Variants in TNRC6C observed in about 807,000 individuals in gnomAD.
The protein encoded by TNRC6C is trinucleotide repeat containing adaptor 6C.
TNRC6C carries 20 observed loss-of-function variants against 153.7 expected under a neutral mutation model. The observed-to-expected ratio is 0.13, with a 90% CI of 0.09 to 0.19. The LOEUF (loss-of-function observed/expected upper bound fraction) is 0.19, where lower values mean the gene tolerates loss of function less well. Among genes scored for constraint, TNRC6C ranks in the 10% least tolerant of loss-of-function variants. The pLI, the probability that TNRC6C is intolerant of heterozygous loss-of-function variation, is 1.00. For missense variants in TNRC6C, 1,987 were observed against 2,172.0 expected (o/e 0.91, Z 1.69); for synonymous variants, 811 against 841.4 (o/e 0.96, Z 0.63).
At chr17:77,996,399 G>A (rs141676734) in intron 1 of TNRC6C, among the ~76,000 whole-genome samples, 22 of 152,272 alleles carry the variant, frequency 1.4e-4, no homozygotes, top group African/African-American at 4.6e-4. Context: ...GACACAACCC[G>A]TGCAGCCTAG....
intron 1 of TNRC6C, among the ~76,000 whole-genome samples, chr17:77,961,503 G>T (rs1567891712): frequency 8.4e-6 from 1 of 118,714 alleles, no homozygotes; most frequent in Non-Finnish European, 1.6e-5. Context: ...TACTGAGACT[G>T]TCTGTCATAA....
chr17:78,104,574 C>G lies in TNRC6C; in HGVS notation c.4802C>G (p.Pro1601Arg). 6.4e-7 allele frequency: 1 copy of G among 1,553,278 alleles called. No homozygotes were observed. The highest frequency in any genetic ancestry group is 8.7e-7 in the Non-Finnish European group (1 of 1,148,206). ...TTAGCCCAAGGCCAGGCGCTGCCAC[C>G]CACTTCCAGCTGGCAGTCCAGCAGC... Residue 1601 changes from proline (P) to arginine (R), a missense_variant, in exon 20 of 20, where the codon CCC becomes CGC. Around this residue, in one of 4 missense-constraint regions of TNRC6C, gnomAD observed 139 missense variants for 148.5 expected, o/e 0.94. Coordinates refer to ENST00000301624, the Ensembl canonical transcript of TNRC6C. This position sits in a 1 kb window ranked among gnomAD's most constrained non-coding sequence, Gnocchi z 6.2.
intron 2 of TNRC6C, among the ~76,000 whole-genome samples, chr17:78,043,696 C>G (rs1034852891): frequency 1.3e-5 from 2 of 152,106 alleles, no homozygotes; most frequent in African/African-American, 4.8e-5. Context: ...ATTTTTTGTA[C>G]CCATTAACCC....
At chr17:77,965,347 T>C (rs755281099) in intron 1 of TNRC6C, among the ~76,000 whole-genome samples, 3 of 152,368 alleles carry the variant, frequency 2.0e-5, no homozygotes, top group Non-Finnish European at 4.4e-5. Context: ...CTGAGCACTT[T>C]GTGTGTATGA....
intron 1 of TNRC6C, among the ~76,000 whole-genome samples, chr17:78,006,494 T>A (rs867749949): frequency 6.4e-4 from 3 of 4,658 alleles, no homozygotes; most frequent in Non-Finnish European, 2.2e-3. Flanking sequence ...TCTTCTTCTT[T>A]CTTCTTCTTC....
At chr17:78,095,662 T>C (rs2073472775) in intron 16 of TNRC6C, among the ~76,000 whole-genome samples, 1 of 152,204 alleles carries the variant, frequency 6.6e-6, no homozygotes, top group South Asian at 2.1e-4. Flanking sequence ...GGTACCTCTC[T>C]TGGTTGTGTT....
intron 10 of TNRC6C, among the ~76,000 whole-genome samples, chr17:78,081,070 C>G (rs541908031): frequency 2.0e-5 from 3 of 152,262 alleles, no homozygotes; most frequent in African/African-American, 7.2e-5. Context: ...ATCAAGGTGC[C>G]AGAAGATTCA....
chr17:78,092,417 A>G (rs1488593557), intron 14 of TNRC6C, among the ~76,000 whole-genome samples: 3 of 152,190 alleles, frequency 2.0e-5, no homozygotes, highest in Non-Finnish European at 2.9e-5. Flanking sequence ...GGAAGAGATA[A>G]CAGCAAATTT....
At chr17:77,964,873 G>A (rs2070885617) in intron 1 of TNRC6C, among the ~76,000 whole-genome samples, 1 of 152,094 alleles carries the variant, frequency 6.6e-6, no homozygotes, top group Admixed American at 6.5e-5. Flanking sequence ...AGGGGGCTAT[G>A]GCTGATGTCT....
chr17:78,005,591 A>C (rs1362648661), intron 1 of TNRC6C, among the ~76,000 whole-genome samples: 1 of 152,214 alleles, frequency 6.6e-6, no homozygotes, highest in Non-Finnish European at 1.5e-5. Flanking sequence ...ACTGTTACTC[A>C]GGAACTCCTA....
At chr17:78,020,282 A>G (rs2071807223) in intron 1 of TNRC6C, among the ~76,000 whole-genome samples, 1 of 152,198 alleles carries the variant, frequency 6.6e-6, no homozygotes, top group African/African-American at 2.4e-5. Flanking sequence ...ACGTGGGTAA[A>G]CTGAGTGTGC....
At chr17:78,014,759 A>G (rs1224083391) in intron 1 of TNRC6C, among the ~76,000 whole-genome samples, 4 of 151,754 alleles carry the variant, frequency 2.6e-5, no homozygotes, top group Non-Finnish European at 5.9e-5. Flanking sequence ...TTTGTAGTTA[A>G]TGAGTCTGTG....
chr17:77,991,618 G>A (rs1210334138), intron 1 of TNRC6C, among the ~76,000 whole-genome samples: 1 of 152,146 alleles, frequency 6.6e-6, no homozygotes, highest in Non-Finnish European at 1.5e-5. Context: ...TGCTTGGCCA[G>A]CCTCTCTGGA....
intron 7 of TNRC6C, among the ~76,000 whole-genome samples, chr17:78,073,858 C>T (rs1264620688): frequency 6.6e-6 from 1 of 152,122 alleles, no homozygotes; most frequent in African/African-American, 2.4e-5. Flanking sequence ...GGCTTTCATA[C>T]TCAAAACAAT....
chr17:77,972,359 A>G (rs2070946283), intron 1 of TNRC6C, among the ~76,000 whole-genome samples: 2 of 152,120 alleles, frequency 1.3e-5, no homozygotes, highest in Non-Finnish European at 2.9e-5. Context: ...CAAAAATACA[A>G]AAATTAGCTG....
intron 2 of TNRC6C, among the ~76,000 whole-genome samples, chr17:78,039,845 C>T (rs376002740): frequency 6.6e-6 from 1 of 152,220 alleles, no homozygotes; most frequent in South Asian, 2.1e-4. Context: ...CCTGAGAGCC[C>T]GCTGCCCCCA....
chr17:78,104,773 CA>C lies in TNRC6C; in HGVS notation c.5002del (p.Arg1668GlyfsTer2). 1 of 1,475,932 alleles carries C rather than the reference CA, an allele frequency of 6.8e-7. No homozygotes were observed. Among genetic ancestry groups the C allele is most frequent in the Non-Finnish European group, 9.0e-7 (1 of 1,113,006 alleles). 91.4% of individuals were successfully genotyped at this position (1,475,932 alleles called of 1,614,324 possible). A position where few individuals can be genotyped will look rare whatever the true frequency, so the allele number is the denominator to read the frequency against. ...GGGGCCCGCCCAGCGCCGACGACAG[CA>C]GGGTGATAGGCAGCCCCACGCCGCT... is the stretch of plus-strand genomic sequence containing the variant. On this transcript the variant is annotated frameshift_variant, in exon 20 of 20. Transcript: ENST00000301624. LOFTEE classifies it high-confidence loss of function. The surrounding 1 kb of genome is among the most constrained non-coding windows in gnomAD (Gnocchi z 6.2).
At chr17:77,959,186 C>CG (rs2144010234), upstream of TNRC6C, 2 of 146,436 alleles carry the variant, frequency 1.4e-5, no homozygotes, top group East Asian at 4.0e-4. Context: ...GGCCCTCGGG[C>CG]GGTTGTTCGT....
chr17:78,056,574 G>T (rs2072659600), intron 3 of TNRC6C, among the ~76,000 whole-genome samples: 1 of 149,710 alleles, frequency 6.7e-6, no homozygotes, highest in Non-Finnish European at 1.5e-5. Flanking sequence ...CGCCATTCTC[G>T]TGCCTCAGCC....
Sources: gnomAD v4.1 joint callset for allele counts (sites outside exome capture counted in the v4.1 genomes callset) on GRCh38, gnomAD v4.1.1 for gene constraint, gnomAD v4.1.1 regional missense constraint, Gnocchi (gnomAD v3.1) non-coding constraint, MANE v1.5 for transcripts, NCBI Gene and HGNC (gene_info 2026-07-23, HGNC 2026-07-21) for gene names.